The following NSMCE2 variants were observed in gnomAD, a reference collection of about 807,000 sequenced individuals.
NSMCE2 encodes the protein NSE2 SUMO ligase component of SMC5/6 complex, also known as E3 SUMO-protein ligase NSE2.
In NSMCE2, 24 loss-of-function variants were observed where a neutral mutation model predicts 23.8. That is an observed-to-expected ratio of 1.01 (90% CI 0.73 to 1.42). The LOEUF (loss-of-function observed/expected upper bound fraction) is 1.42, where lower values mean the gene tolerates loss of function less well. Among genes scored for constraint, NSMCE2 ranks in the 40% most tolerant of loss-of-function variants. The pLI, the probability that NSMCE2 is intolerant of heterozygous loss-of-function variation, is 0.00. For missense variants in NSMCE2, 284 were observed against 296.5 expected, an observed-to-expected ratio of 0.96 and a Z score of 0.31; for synonymous variants, 92 against 94.1, an observed-to-expected ratio of 0.98 and a Z score of 0.13.
At chr8:125,307,904 A>G (rs1180517659) in intron 5 of NSMCE2, among the ~76,000 whole-genome samples, 2 of 152,218 alleles carry the variant, frequency 1.3e-5, no homozygotes, top group African/African-American at 2.4e-5. Context: ...TTGTATACGC[A>G]TATGTCAGTT....
chr8:125,107,443 C>T (rs1361432225), intron 3 of NSMCE2, among the ~76,000 whole-genome samples: 3 of 151,994 alleles, frequency 2.0e-5, no homozygotes, highest in Non-Finnish European at 4.4e-5. Context: ...CCACCCTCCT[C>T]GACCTCCCAA....
chr8:125,259,972 A>G (rs1275488250), intron 5 of NSMCE2, among the ~76,000 whole-genome samples: 1 of 152,238 alleles, frequency 6.6e-6, no homozygotes, highest in East Asian at 1.9e-4. Context: ...TCTCTTATAG[A>G]TGAAGCAACC....
chr8:125,220,633 A>G (rs1824809646), intron 5 of NSMCE2, among the ~76,000 whole-genome samples: 2 of 150,710 alleles, frequency 1.3e-5, no homozygotes, highest in South Asian at 4.1e-4. Context: ...GTGAGTTAAC[A>G]TCATTATTTA....
chr8:125,140,577 A>C (rs948991640), intron 3 of NSMCE2, among the ~76,000 whole-genome samples: 7 of 151,910 alleles, frequency 4.6e-5, no homozygotes, highest in African/African-American at 1.7e-4. Flanking sequence ...GTTCAATCGC[A>C]TGAAGAGGTT....
intron 5 of NSMCE2, among the ~76,000 whole-genome samples, chr8:125,216,550 C>T (rs1380214160): frequency 6.6e-6 from 1 of 151,654 alleles, no homozygotes; most frequent in Admixed American, 6.6e-5. Context: ...AGGAGAATTG[C>T]TTGAACCTGG....
chr8:125,345,415 A>T (rs997709728), intron 5 of NSMCE2, among the ~76,000 whole-genome samples: 1 of 152,166 alleles, frequency 6.6e-6, no homozygotes, highest in African/African-American at 2.4e-5. Context: ...TCATCTTTTT[A>T]TTGTGGTAAA....
intron 5 of NSMCE2, among the ~76,000 whole-genome samples, chr8:125,227,920 A>G (rs890880303): frequency 3.3e-5 from 5 of 152,126 alleles, no homozygotes; most frequent in African/African-American, 1.2e-4. Context: ...GAAAAACATG[A>G]TTTTAAATTG....
At position 125,367,103 on chromosome 8, in the gene NSMCE2, A is replaced by G. The variant is rs1813830528; in HGVS notation, c.*218A>G. The G allele has an allele frequency of 2.2e-6, 1 of 456,588 alleles. No homozygotes were observed. The highest frequency in any genetic ancestry group is 3.5e-5 in the East Asian group (1 of 28,860). 28.3% of individuals were successfully genotyped at this position (456,588 alleles called of 1,614,324 possible). On this transcript the variant is annotated 3_prime_UTR_variant, in exon 8 of 8. Transcript: ENST00000287437. The stretch of plus-strand genomic sequence containing the variant: ...TTTAAGTGTTCTATAATGTTAAATA[A>G]AACTTTGATCATCTGCAGTGTCCTC...
chr8:125,304,930 GGAAA>G (rs1339573973), intron 5 of NSMCE2, among the ~76,000 whole-genome samples: 5 of 103,850 alleles, frequency 4.8e-5, no homozygotes, highest in East Asian at 4.9e-4. Context: ...AAAGAAAGAA[GGAAA>G]GAAAGGAAGG....
intron 5 of NSMCE2, among the ~76,000 whole-genome samples, chr8:125,255,946 T>A (rs1200369116): frequency 6.6e-6 from 1 of 151,582 alleles, no homozygotes; most frequent in East Asian, 1.9e-4. Context: ...GAAACTAGAG[T>A]CAAGAAATAG....
chr8:125,134,124 A>G lies in NSMCE2; in HGVS notation c.158-17047A>G, dbSNP rs528075151. Reference sequence around the variant, plus strand: ...AAAGCAATCATATTCTGGTGAGGGGATTATACATTAAAAGCTGGTTTCTTT... The same window carrying G: ...AAAGCAATCATATTCTGGTGAGGGGGTTATACATTAAAAGCTGGTTTCTTT... On this transcript the variant is annotated intron_variant, in intron 3 of 7. Coordinates refer to ENST00000287437, the MANE Select transcript of NSMCE2 (RefSeq NM_173685.4). Among the ~76,000 whole-genome samples the G allele has an allele frequency of 3.5e-3, 533 of 152,316 alleles. 4 individuals are homozygous for G. Among genetic ancestry groups the G allele is most frequent in the Middle Eastern group, 6.8e-3 (2 of 294 alleles).
At chr8:125,272,205 G>A (rs1229680488) in intron 5 of NSMCE2, among the ~76,000 whole-genome samples, 7 of 151,432 alleles carry the variant, frequency 4.6e-5, no homozygotes, top group African/African-American at 1.5e-4. Flanking sequence ...TAGTAGAGAC[G>A]GGGTTTCATT....
chr8:125,228,436 T>C (rs1460689460), intron 5 of NSMCE2, among the ~76,000 whole-genome samples: 1 of 152,178 alleles, frequency 6.6e-6, no homozygotes, highest in African/African-American at 2.4e-5. Flanking sequence ...AAGAAATAAA[T>C]ATTAAAATAA....
At chr8:125,112,663 C>G (rs999356937) in intron 3 of NSMCE2, among the ~76,000 whole-genome samples, 1 of 152,070 alleles carries the variant, frequency 6.6e-6, no homozygotes, top group Non-Finnish European at 1.5e-5. Context: ...AGTGCTTGAT[C>G]TCACTCGTAT....
At chr8:125,214,144 T>C (rs1353948841) in intron 5 of NSMCE2, among the ~76,000 whole-genome samples, 1 of 152,226 alleles carries the variant, frequency 6.6e-6, no homozygotes, top group African/African-American at 2.4e-5. Flanking sequence ...ATTTAATTGC[T>C]ATTAGGCTGG....
intron 5 of NSMCE2, among the ~76,000 whole-genome samples, chr8:125,204,290 C>G (rs986875369): frequency 2.6e-5 from 4 of 152,318 alleles, no homozygotes; most frequent in Admixed American, 6.5e-5. Flanking sequence ...CAAAGTGTGG[C>G]TGCCTGTTTG....
At chr8:125,123,119 A>AAT (rs1007617022) in intron 3 of NSMCE2, among the ~76,000 whole-genome samples, 23 of 151,866 alleles carry the variant, frequency 1.5e-4, no homozygotes, top group African/African-American at 3.9e-4. Flanking sequence ...GGTTCTTGCA[A>AAT]ATATATATAT....
chr8:125,278,932 A>G (rs1039044409), intron 5 of NSMCE2, among the ~76,000 whole-genome samples: 3 of 152,078 alleles, frequency 2.0e-5, no homozygotes, highest in Non-Finnish European at 2.9e-5. Context: ...GAATTAAGGC[A>G]CATTCAGCTG....
chr8:125,362,750 G>T (rs1024732560), intron 7 of NSMCE2, among the ~76,000 whole-genome samples: 3 of 152,174 alleles, frequency 2.0e-5, no homozygotes, highest in African/African-American at 4.8e-5. Context: ...GGGCTATTTG[G>T]TTCATGCCTC....
Sources: gnomAD v4.1 joint callset for allele counts (sites outside exome capture counted in the v4.1 genomes callset) on GRCh38, gnomAD v4.1.1 for gene constraint, MANE v1.5 for transcripts, NCBI Gene and HGNC (gene_info 2026-07-23, HGNC 2026-07-21) for gene names.